Variants in NRG1 observed in about 807,000 individuals in gnomAD.
NRG1 encodes the protein neuregulin 1.
Under a neutral mutation model 63.8 loss-of-function variants are expected in NRG1, and 18 were observed. That is an observed-to-expected ratio of 0.28 (90% CI 0.19 to 0.42). The LOEUF (loss-of-function observed/expected upper bound fraction) is 0.42, where lower values mean the gene tolerates loss of function less well. NRG1 is among the 10% of genes least tolerant of loss of function. The pLI is 1.00. For missense variants in NRG1, 762 were observed against 814.7 expected (o/e 0.94, Z 0.79); for synonymous variants, 302 against 301.3 (o/e 1.00, Z -0.02).
intron 1 of NRG1, among the ~76,000 whole-genome samples, chr8:31,894,761 G>A (rs1023916124): frequency 1.3e-5 from 2 of 151,752 alleles, no homozygotes; most frequent in Non-Finnish European, 2.9e-5. Context: ...TGTGTTAGCC[G>A]GGATGGTCTC....
At chr8:32,144,509 T>C (rs568369393) in intron 1 of NRG1, among the ~76,000 whole-genome samples, 1 of 152,266 alleles carries the variant, frequency 6.6e-6, no homozygotes, top group South Asian at 2.1e-4. Flanking sequence ...CATAAGTCCA[T>C]TACTGTTCTT....
chr8:31,859,798 T>C (rs1828299764), intron 1 of NRG1, among the ~76,000 whole-genome samples: 1 of 152,264 alleles, frequency 6.6e-6, no homozygotes, highest in Non-Finnish European at 1.5e-5. Context: ...TTCTAGCCTT[T>C]TATAACATTA....
At chr8:31,863,890 C>T (rs1828706061) in intron 1 of NRG1, among the ~76,000 whole-genome samples, 2 of 152,164 alleles carry the variant, frequency 1.3e-5, no homozygotes, top group Non-Finnish European at 2.9e-5. Context: ...CCAGCAATCG[C>T]TATTCTAAGA....
At chr8:31,907,226 T>C (rs200310711) in intron 1 of NRG1, among the ~76,000 whole-genome samples, 1 of 54,646 alleles carries the variant, frequency 1.8e-5, no homozygotes, top group African/African-American at 1.1e-4. Flanking sequence ...TCCTGATGGG[T>C]TGATGCCACA....
At chr8:32,156,722 G>C (rs1389300560) in intron 1 of NRG1, among the ~76,000 whole-genome samples, 1 of 152,186 alleles carries the variant, frequency 6.6e-6, no homozygotes, top group Non-Finnish European at 1.5e-5. Context: ...TTTTTTAAAA[G>C]TGTTCAAGGG....
chr8:32,228,182 T>C lies in NRG1; in HGVS notation c.38-367646T>C, dbSNP rs148545920. On this transcript the variant is annotated intron_variant, in intron 1 of 10. Transcript: ENST00000519301. ...TATTAGTTAATTGATACCTTATATT[T>C]ACTATTTTCCCCCAAAGCTGAGTAA... is the stretch of plus-strand genomic sequence containing the variant. Among the ~76,000 whole-genome samples, 1,229 of 152,306 alleles carry C rather than the reference T, an allele frequency of 8.1e-3. 7 individuals carry two copies. Among genetic ancestry groups the C allele is most frequent in the Non-Finnish European group, 0.013 (851 of 68,024 alleles).
At chr8:32,038,415 T>A (rs1183672019) in intron 1 of NRG1, among the ~76,000 whole-genome samples, 1 of 152,132 alleles carries the variant, frequency 6.6e-6, no homozygotes, top group Non-Finnish European at 1.5e-5. Flanking sequence ...GAGCTGTTTC[T>A]ATTTGGCCAT....
At chr8:32,591,411 A>G (rs149823584) in intron 1 of NRG1, among the ~76,000 whole-genome samples, 27 of 152,228 alleles carry the variant, frequency 1.8e-4, no homozygotes, top group African/African-American at 5.8e-4. Context: ...TTTAGCTAAG[A>G]AGGACCTTGG....
At chr8:32,194,847 A>G (rs1172294022) in intron 1 of NRG1, among the ~76,000 whole-genome samples, 2 of 152,054 alleles carry the variant, frequency 1.3e-5, no homozygotes, top group African/African-American at 2.4e-5. Flanking sequence ...ACCGATGACT[A>G]CTGCAAGGAT....
intron 1 of NRG1, among the ~76,000 whole-genome samples, chr8:31,688,873 A>C (rs966938476): frequency 2.6e-5 from 4 of 152,300 alleles, no homozygotes; most frequent in Admixed American, 1.3e-4. Flanking sequence ...ACAGTTCTGG[A>C]GGTCAAAAGT....
intron 5 of NRG1, among the ~76,000 whole-genome samples, chr8:32,669,756 C>T (rs556305119): frequency 6.6e-6 from 1 of 152,250 alleles, no homozygotes; most frequent in East Asian, 1.9e-4. Flanking sequence ...ATAGTTTTGC[C>T]TGATGGTATA....
chr8:32,761,746 A>G (rs1263833532), intron 11 of NRG1, among the ~76,000 whole-genome samples: 3 of 152,016 alleles, frequency 2.0e-5, no homozygotes, highest in Non-Finnish European at 4.4e-5. Context: ...AGTACTTACA[A>G]TAAAAAATGA....
rs1829407957 is a variant in NRG1, at chr8:32,754,937, A to G, written c.794+463A>G. Among the ~76,000 whole-genome samples the G allele has an allele frequency of 2.0e-5, 3 of 152,222 alleles. No individual in the cohort carries two copies. In the East Asian group the frequency reaches 5.8e-4, roughly 29 times the overall value. ...AGTAGTACCTTCAGTTCAAAGGACT[A>G]CTGAGAACAAATCCAATTTACACTG... On this transcript the variant is annotated intron_variant, in intron 8 of 11. Coordinates refer to ENST00000356819, the Ensembl canonical transcript of NRG1.
At chr8:31,684,717 C>T (rs990435529) in intron 1 of NRG1, among the ~76,000 whole-genome samples, 1 of 151,908 alleles carries the variant, frequency 6.6e-6, no homozygotes, top group Non-Finnish European at 1.5e-5. Flanking sequence ...TGATCATGTG[C>T]AGGACAGTTT....
intron 1 of NRG1, among the ~76,000 whole-genome samples, chr8:32,480,671 G>A (rs1260996799): frequency 2.6e-5 from 4 of 152,284 alleles, no homozygotes; most frequent in South Asian, 2.1e-4. Context: ...TAAAGGTAGC[G>A]TGGTGCTAGC....
intron 1 of NRG1, among the ~76,000 whole-genome samples, chr8:32,325,561 T>A (rs572276127): frequency 6.6e-6 from 1 of 152,100 alleles, no homozygotes; most frequent in African/African-American, 2.4e-5. Flanking sequence ...TTATATTTTG[T>A]AGAGATAGGG....
At chr8:32,086,527 A>G (rs1209751323) in intron 1 of NRG1, among the ~76,000 whole-genome samples, 1 of 152,246 alleles carries the variant, frequency 6.6e-6, no homozygotes, top group Non-Finnish European at 1.5e-5. Context: ...TGTCAGTCCA[A>G]TATAAACTTG....
chr8:31,662,095 C>T (rs1282466058), intron 1 of NRG1, among the ~76,000 whole-genome samples: 1 of 152,186 alleles, frequency 6.6e-6, no homozygotes. Context: ...CTTACTAGAG[C>T]AAAATGACTT....
intron 1 of NRG1, among the ~76,000 whole-genome samples, chr8:32,042,181 A>G (rs936315443): frequency 6.6e-6 from 1 of 152,226 alleles, no homozygotes; most frequent in Non-Finnish European, 1.5e-5. Context: ...ATGGTAGCTC[A>G]TTCTTGTAAT....
Sources: allele counts gnomAD v4.1 joint callset (sites outside exome capture counted in the v4.1 genomes callset), GRCh38; gene constraint gnomAD v4.1.1; transcripts MANE v1.5; gene names NCBI Gene and HGNC (gene_info 2026-07-23, HGNC 2026-07-21).